The following SEMA6D variants were observed in gnomAD, a reference collection of about 807,000 sequenced individuals.
The protein encoded by SEMA6D is semaphorin 6D, also known as semaphorin-6D.
Under a neutral mutation model 106.6 loss-of-function variants are expected in SEMA6D, and 35 were observed. The observed-to-expected ratio is 0.33, with a 90% CI of 0.25 to 0.44. The LOEUF (loss-of-function observed/expected upper bound fraction) is 0.44, where lower values mean the gene tolerates loss of function less well. Among genes scored for constraint, SEMA6D ranks in the 20% least tolerant of loss-of-function variants. The pLI, the probability that SEMA6D is intolerant of heterozygous loss-of-function variation, is 1.00. For synonymous variants in SEMA6D, 499 were observed against 487.7 expected (o/e 1.02, Z -0.31); for missense variants, 1,185 against 1,345.9 (o/e 0.88, Z 1.87).
At chr15:47,602,813 C>T (rs1272021171) in intron 4 of SEMA6D, among the ~76,000 whole-genome samples, 1 of 152,122 alleles carries the variant, frequency 6.6e-6, no homozygotes, top group Non-Finnish European at 1.5e-5. Flanking sequence ...GAAGTTGGCT[C>T]AAGTAACAGT....
At chr15:47,618,513 C>T (rs967113174) in intron 4 of SEMA6D, among the ~76,000 whole-genome samples, 2 of 152,192 alleles carry the variant, frequency 1.3e-5, no homozygotes, top group Admixed American at 1.3e-4. Context: ...ACACTTCAGC[C>T]GATCAATGTG....
intron 1 of SEMA6D, among the ~76,000 whole-genome samples, chr15:47,250,853 C>T (rs1181456134): frequency 6.6e-6 from 1 of 152,214 alleles, no homozygotes; most frequent in Non-Finnish European, 1.5e-5. Flanking sequence ...GCCATGTTTT[C>T]ACCTTAGAAA....
chr15:47,280,198 T>C (rs531172958), intron 1 of SEMA6D, among the ~76,000 whole-genome samples: 2 of 152,276 alleles, frequency 1.3e-5, no homozygotes, highest in South Asian at 4.1e-4. Context: ...ATTGCCACAA[T>C]TTCAGATCCT....
intron 1 of SEMA6D, among the ~76,000 whole-genome samples, chr15:47,326,828 G>A (rs1221890813): frequency 2.0e-5 from 3 of 152,110 alleles, no homozygotes; most frequent in Non-Finnish European, 4.4e-5. Context: ...CCCCACCAAA[G>A]CCACACAAGC....
chr15:47,718,452 G>A (rs1288300699), intron 1 of SEMA6D: 2 of 152,342 alleles, frequency 1.3e-5, no homozygotes, highest in African/African-American at 2.4e-5. Flanking sequence ...GAGCTCGGGT[G>A]ACTTGGCCAT....
chr15:47,661,052 G>A (rs1168361513), intron 4 of SEMA6D, among the ~76,000 whole-genome samples: 1 of 152,138 alleles, frequency 6.6e-6, no homozygotes, highest in Non-Finnish European at 1.5e-5. Context: ...GCAACTAAAG[G>A]AAAAGTGGAC....
chr15:47,478,694 T>C (rs1253827843), intron 3 of SEMA6D, among the ~76,000 whole-genome samples: 1 of 152,136 alleles, frequency 6.6e-6, no homozygotes, highest in Non-Finnish European at 1.5e-5. Flanking sequence ...CTGCAGCAGA[T>C]GGCAAGAGAA....
intron 1 of SEMA6D, chr15:47,380,438 A>G (rs1457467255): frequency 6.6e-6 from 1 of 152,042 alleles, no homozygotes; most frequent in Non-Finnish European, 1.5e-5. Context: ...TTCCCCCAAA[A>G]CGTTTGCAGT....
chr15:47,663,874 C>G (rs193157084), intron 4 of SEMA6D, among the ~76,000 whole-genome samples: 2 of 152,238 alleles, frequency 1.3e-5, no homozygotes, highest in African/African-American at 4.8e-5. Context: ...AAGTTCAGCC[C>G]TAGAAATGTA....
Position 47,767,121 on chromosome 15 carries a change from A to G in SEMA6D, c.1765+28A>G, listed in dbSNP as rs2082387684. The G allele has an allele frequency of 1.3e-5, 19 of 1,450,264 alleles. No homozygotes were observed. In the East Asian group the frequency reaches 4.0e-4, roughly 30 times the overall value. 89.8% of individuals were successfully genotyped at this position (1,450,264 alleles called of 1,614,324 possible). A position where few individuals can be genotyped will look rare whatever the true frequency, so the allele number is the denominator to read the frequency against. ...TAGTTTTTTTTAATTTTTTTGAATT[A>G]ACAACCTTTTCTTTCCTTCAGTTCA... On this transcript the variant is annotated intron_variant, in intron 17 of 18. Transcript: ENST00000536845.
chr15:47,217,308 C>T (rs2030712222), intron 1 of SEMA6D, among the ~76,000 whole-genome samples: 2 of 152,066 alleles, frequency 1.3e-5, no homozygotes, highest in African/African-American at 4.8e-5. Context: ...TACCATTAAC[C>T]CAACAACCTC....
intron 2 of SEMA6D, among the ~76,000 whole-genome samples, chr15:47,414,843 C>T (rs550059874): frequency 6.6e-6 from 1 of 152,272 alleles, no homozygotes; most frequent in East Asian, 1.9e-4. Flanking sequence ...CAATGTACCT[C>T]AATCTTAATC....
intron 3 of SEMA6D, among the ~76,000 whole-genome samples, chr15:47,588,828 A>G (rs1176060456): frequency 1.3e-5 from 2 of 152,176 alleles, no homozygotes; most frequent in African/African-American, 2.4e-5. Context: ...AGGGTTTGTC[A>G]GTCACAAATG....
At chr15:47,749,868 T>C (rs1336887384) in intron 1 of SEMA6D, among the ~76,000 whole-genome samples, 1 of 151,788 alleles carries the variant, frequency 6.6e-6, no homozygotes, top group Non-Finnish European at 1.5e-5. Flanking sequence ...TAAGACAAAT[T>C]TGGGAAGATG....
At chr15:47,552,890 A>ATTT (rs1265251330) in intron 3 of SEMA6D, among the ~76,000 whole-genome samples, 1 of 16,814 alleles carries the variant, frequency 5.9e-5, no homozygotes, top group African/African-American at 2.5e-4. Flanking sequence ...AAATATATAT[A>ATTT]AATATATATA....
At chr15:47,488,383 T>C (rs1361414716) in intron 3 of SEMA6D, among the ~76,000 whole-genome samples, 1 of 152,108 alleles carries the variant, frequency 6.6e-6, no homozygotes, top group Non-Finnish European at 1.5e-5. Flanking sequence ...ATATGTAGAG[T>C]TATGCTATAC....
intron 1 of SEMA6D, among the ~76,000 whole-genome samples, chr15:47,312,125 T>C (rs894566583): frequency 8.1e-5 from 12 of 147,630 alleles, no homozygotes; most frequent in African/African-American, 3.0e-4. Flanking sequence ...GTATTCATTT[T>C]TGCTTAGGCG....
intron 1 of SEMA6D, among the ~76,000 whole-genome samples, chr15:47,349,489 GAT>G (rs1314293905): frequency 1.3e-5 from 2 of 152,278 alleles, no homozygotes; most frequent in Non-Finnish European, 2.9e-5. Flanking sequence ...TATAAAGACA[GAT>G]AAATATTACC....
intron 1 of SEMA6D, among the ~76,000 whole-genome samples, chr15:47,210,699 A>C (rs1054613967): frequency 7.3e-6 from 1 of 137,060 alleles, no homozygotes; most frequent in African/African-American, 2.7e-5. Context: ...TGGGAGGTGG[A>C]TGTTGCAGTG....
Sources: gnomAD v4.1 joint callset for allele counts (sites outside exome capture counted in the v4.1 genomes callset) on GRCh38, gnomAD v4.1.1 for gene constraint, MANE v1.5 for transcripts, NCBI Gene and HGNC (gene_info 2026-07-23, HGNC 2026-07-21) for gene names.